The following MIR2052HG variants were observed in gnomAD, a reference collection of about 807,000 sequenced individuals.
MIR2052HG encodes the protein MIR2052 host gene.
chr8:74,634,355 A>G (rs1808555337), intron 2 of MIR2052HG, among the ~76,000 whole-genome samples: 1 of 152,224 alleles, frequency 6.6e-6, no homozygotes, highest in Admixed American at 6.5e-5. Context: ...TAGACAACCT[A>G]TGCCCAAATA....
chr8:74,601,638 C>T (rs1808002319), intron 1 of MIR2052HG, among the ~76,000 whole-genome samples: 1 of 152,012 alleles, frequency 6.6e-6, no homozygotes, highest in Non-Finnish European at 1.5e-5. Flanking sequence ...TGTACAAAAC[C>T]TTTCTTGTTT....
At chr8:74,733,115 T>C (rs1250485633) in intron 4 of MIR2052HG, among the ~76,000 whole-genome samples, 1 of 151,950 alleles carries the variant, frequency 6.6e-6, no homozygotes, top group African/African-American at 2.4e-5. Flanking sequence ...AGATTTAGGG[T>C]ACATGTGCAC....
chr8:74,702,830 A>G (rs549793269), intron 3 of MIR2052HG, among the ~76,000 whole-genome samples: 9 of 152,218 alleles, frequency 5.9e-5, no homozygotes, highest in African/African-American at 1.7e-4. Flanking sequence ...ATTCCTTGGC[A>G]TGATGTATAA....
At chr8:74,672,912 C>T (rs904287700) in intron 2 of MIR2052HG, among the ~76,000 whole-genome samples, 9 of 151,984 alleles carry the variant, frequency 5.9e-5, no homozygotes, top group African/African-American at 2.2e-4. Context: ...TTTCAGATTG[C>T]AGTGGAGTAA....
chr8:74,610,234 G>A (rs1326171372), intron 1 of MIR2052HG, among the ~76,000 whole-genome samples: 1 of 151,774 alleles, frequency 6.6e-6, no homozygotes, highest in Non-Finnish European at 1.5e-5. Context: ...TATATTCTTG[G>A]AATCAATAAT....
At chr8:74,600,440 G>C (rs538288666) in intron 1 of MIR2052HG, among the ~76,000 whole-genome samples, 1 of 151,282 alleles carries the variant, frequency 6.6e-6, no homozygotes, top group African/African-American at 2.4e-5. Flanking sequence ...AAAATTAGCC[G>C]GGCGTGGTTG....
At position 74,733,909 on chromosome 8, in the gene MIR2052HG, G is replaced by A. The variant is rs575466148; in HGVS notation, n.372-18532G>A. ...TGAGAAGTGTCTGTTCATGTCCTTC[G>A]CCCACTTTTTGATGGCAAGGACTTC... On this transcript the variant is annotated intron_variant and non_coding_transcript_variant, in intron 4 of 6. Transcript: ENST00000523442. Among the ~76,000 whole-genome samples the A allele has an allele frequency of 5.9e-5, 9 of 152,108 alleles. No homozygotes were observed. The East Asian group carries it at 1.4e-3, about 23-fold the overall frequency.
intron 2 of MIR2052HG, among the ~76,000 whole-genome samples, chr8:74,659,937 T>G (rs1808843660): frequency 6.6e-6 from 1 of 152,186 alleles, no homozygotes; most frequent in Admixed American, 6.5e-5. Flanking sequence ...TTTTTGTTTT[T>G]TGTTTTGTTT....
At chr8:74,754,096 C>A (rs532815599) in intron 5 of MIR2052HG, among the ~76,000 whole-genome samples, 1 of 152,148 alleles carries the variant, frequency 6.6e-6, no homozygotes, top group Non-Finnish European at 1.5e-5. Flanking sequence ...AGTTTCTATG[C>A]GCTGCATTTC....
chr8:74,727,729 C>G (rs948911069), intron 4 of MIR2052HG, among the ~76,000 whole-genome samples: 1 of 151,954 alleles, frequency 6.6e-6, no homozygotes, highest in Admixed American at 6.6e-5. Context: ...ATCCTTTAAA[C>G]CAAGAGAAAA....
chr8:74,621,670 A>G (rs1042436933), intron 2 of MIR2052HG, among the ~76,000 whole-genome samples: 1 of 152,200 alleles, frequency 6.6e-6, no homozygotes, highest in African/African-American at 2.4e-5. Context: ...ACCTGGTCCC[A>G]TGCTTGACAT....
intron 4 of MIR2052HG, among the ~76,000 whole-genome samples, chr8:74,737,617 A>G (rs1809780955): frequency 6.6e-6 from 1 of 152,018 alleles, no homozygotes; most frequent in South Asian, 2.1e-4. Context: ...TTTTTGGCCT[A>G]ATGTCCTGAT....
intron 2 of MIR2052HG, among the ~76,000 whole-genome samples, chr8:74,691,503 A>G (rs942895467): frequency 1.3e-5 from 2 of 152,180 alleles, no homozygotes; most frequent in Admixed American, 6.5e-5. Flanking sequence ...AAAGGTTATA[A>G]CCTTGGGGAA....
chr8:74,733,094 A>G (rs1809710810), intron 4 of MIR2052HG, among the ~76,000 whole-genome samples: 1 of 148,914 alleles, frequency 6.7e-6, no homozygotes, highest in Non-Finnish European at 1.5e-5. Context: ...TTATTTTATT[A>G]TTATACTTTA....
At chr8:74,604,235 TG>T in intron 1 of MIR2052HG, 1 of 887,600 alleles carries the variant, frequency 1.1e-6, no homozygotes, top group Non-Finnish European at 1.9e-6. Context: ...TCAATCACAC[TG>T]GTTTCCATGT....
chr8:74,619,298 C>T (rs1338759909), intron 2 of MIR2052HG, among the ~76,000 whole-genome samples: 1 of 151,890 alleles, frequency 6.6e-6, no homozygotes, highest in Non-Finnish European at 1.5e-5. Flanking sequence ...CCACAAAAGA[C>T]CTCAATAGCC....
At chr8:74,601,916 G>T (rs1400367735) in intron 1 of MIR2052HG, among the ~76,000 whole-genome samples, 1 of 152,190 alleles carries the variant, frequency 6.6e-6, no homozygotes, top group Admixed American at 6.5e-5. Context: ...GTGAAAAGCA[G>T]ATTATTCACA....
At chr8:74,699,348 G>A (rs1478446223) in intron 2 of MIR2052HG, among the ~76,000 whole-genome samples, 1 of 151,620 alleles carries the variant, frequency 6.6e-6, no homozygotes, top group African/African-American at 2.4e-5. Flanking sequence ...GCAAAAACAT[G>A]GAACCATCCC....
chr8:74,716,425 A>G (rs983896357), intron 4 of MIR2052HG, among the ~76,000 whole-genome samples: 2 of 152,190 alleles, frequency 1.3e-5, no homozygotes, highest in Non-Finnish European at 2.9e-5. Flanking sequence ...TAAAGAATGA[A>G]TCCAGGGCCG....
Sources: allele counts gnomAD v4.1 joint callset (sites outside exome capture counted in the v4.1 genomes callset), GRCh38; gene constraint gnomAD v4.1.1; transcripts MANE v1.5; gene names NCBI Gene and HGNC (gene_info 2026-07-23, HGNC 2026-07-21).